FAXC: variants seen among roughly 807,000 people sequenced by gnomAD.
FAXC encodes the protein failed axon connections homolog, metaxin like GST domain containing.
In FAXC, 10 loss-of-function variants were observed where a neutral mutation model predicts 41.9. The ratio of observed to expected loss-of-function variants is 0.24; its 90% CI spans 0.15 to 0.41. The LOEUF (loss-of-function observed/expected upper bound fraction) is 0.41, where lower values mean the gene tolerates loss of function less well. Ranked by LOEUF, FAXC falls within the 10% of genes least tolerant of loss-of-function variation. FAXC has a pLI of 1.00. For synonymous variants in FAXC, 183 were observed against 183.8 expected, an observed-to-expected ratio of 1.00 and a Z score of 0.03; for missense variants, 399 against 510.9, an observed-to-expected ratio of 0.78 and a Z score of 2.11.
At chr6:99,335,501 G>T (rs1414694559) in intron 2 of FAXC, among the ~76,000 whole-genome samples, 1 of 152,058 alleles carries the variant, frequency 6.6e-6, no homozygotes, top group Non-Finnish European at 1.5e-5. Flanking sequence ...CAACTTCTTT[G>T]TTCTTCCTTT....
At chr6:99,302,906 A>G (rs1771769593) in intron 4 of FAXC, among the ~76,000 whole-genome samples, 2 of 152,196 alleles carry the variant, frequency 1.3e-5, no homozygotes, top group African/African-American at 4.8e-5. Flanking sequence ...GGTAAAGCAA[A>G]TATAACAACA....
chr6:99,325,163 A>C (rs1772749960), intron 3 of FAXC, among the ~76,000 whole-genome samples: 1 of 152,126 alleles, frequency 6.6e-6, no homozygotes, highest in Non-Finnish European at 1.5e-5. Flanking sequence ...AAGGAATGAC[A>C]GTAAATCACA....
intron 3 of FAXC, among the ~76,000 whole-genome samples, chr6:99,324,263 G>T (rs1352348423): frequency 1.3e-5 from 2 of 151,766 alleles, no homozygotes; most frequent in Non-Finnish European, 2.9e-5. Flanking sequence ...ACAGGGTCTT[G>T]CTATGTTGCC....
At position 99,349,295 on chromosome 6, in the gene FAXC, G is replaced by GA. The variant is rs1773707626; in HGVS notation, c.77dup (p.Gly27ArgfsTer63). 5 of 1,613,282 alleles carry GA rather than the reference G, an allele frequency of 3.1e-6. No homozygotes were observed. The highest frequency in any genetic ancestry group is 3.4e-6 in the Non-Finnish European group (4 of 1,179,980). ...GCTCCTCGGACCCGGCCCACCAGCC[G>GA]AAGAAGGAGATGCTCTGGTTCCAGC... On this transcript the variant is annotated frameshift_variant, in exon 1 of 6. Transcript: ENST00000389677. LOFTEE classifies it high-confidence loss of function.
intron 5 of FAXC, among the ~76,000 whole-genome samples, chr6:99,289,721 A>G (rs200925412): frequency 3.2e-3 from 470 of 147,862 alleles, no homozygotes; most frequent in African/African-American, 9.2e-3. Flanking sequence ...GTGTGTGTGT[A>G]TATATATATA....
intron 4 of FAXC, among the ~76,000 whole-genome samples, chr6:99,315,106 C>T (rs1266305954): frequency 6.6e-6 from 1 of 151,636 alleles, no homozygotes; most frequent in Non-Finnish European, 1.5e-5. Flanking sequence ...TGGTGCCGCA[C>T]ACCTGTAATT....
At chr6:99,286,518 A>C (rs1771034936) in intron 5 of FAXC, among the ~76,000 whole-genome samples, 1 of 152,234 alleles carries the variant, frequency 6.6e-6, no homozygotes, top group South Asian at 2.1e-4. Context: ...CAATAAAATA[A>C]ATAATTGCTG....
At chr6:99,301,133 G>T (rs1771689084) in intron 4 of FAXC, among the ~76,000 whole-genome samples, 1 of 152,244 alleles carries the variant, frequency 6.6e-6, no homozygotes, top group South Asian at 2.1e-4. Flanking sequence ...TGCCCAGAGT[G>T]GTGAGCCTTG....
At chr6:99,302,685 T>G (rs1408686214) in intron 4 of FAXC, among the ~76,000 whole-genome samples, 3 of 151,692 alleles carry the variant, frequency 2.0e-5, no homozygotes, top group Admixed American at 6.6e-5. Context: ...AATAAAAGCA[T>G]ATCACTAGGT....
intron 2 of FAXC, among the ~76,000 whole-genome samples, chr6:99,335,557 T>C (rs1041885917): frequency 1.3e-4 from 20 of 152,214 alleles, no homozygotes; most frequent in African/African-American, 4.8e-4. Context: ...AAATCGGGCA[T>C]CAGTTTAAGA....
intron 4 of FAXC, among the ~76,000 whole-genome samples, chr6:99,305,978 A>T (rs1012953195): frequency 6.6e-6 from 1 of 152,106 alleles, no homozygotes; most frequent in African/African-American, 2.4e-5. Flanking sequence ...TCAATCAATT[A>T]AAAAAAGCAG....
chr6:99,333,655 T>A, intron 2 of FAXC, 108 bp from the exon 3 acceptor site: 1 of 939,286 alleles, frequency 1.1e-6, no homozygotes, highest in Non-Finnish European at 1.6e-6. Flanking sequence ...GTGACAGTAC[T>A]ACTCAAGTGA....
chr6:99,332,305 C>T (rs887022054), intron 3 of FAXC, among the ~76,000 whole-genome samples: 10 of 152,134 alleles, frequency 6.6e-5, no homozygotes, highest in African/African-American at 2.2e-4. Flanking sequence ...TATCACTCAG[C>T]GGGAGAGGTT....
chr6:99,326,948 C>T (rs966279362), intron 3 of FAXC, among the ~76,000 whole-genome samples: 11 of 152,172 alleles, frequency 7.2e-5, no homozygotes, highest in Admixed American at 2.0e-4. Context: ...GGCCACACAA[C>T]TTGGCAGGGA....
chr6:99,277,577 CT>C lies in FAXC; in HGVS notation c.*3586del, dbSNP rs1016658359. ...CTTCAGAGTCTAGCAATACCCTGCA[CT>C]GATGAGAGGTCTCTTGTATTGGTCT... On this transcript the variant is annotated 3_prime_UTR_variant, in exon 6 of 6. Coordinates refer to ENST00000389677, the MANE Select transcript of FAXC (RefSeq NM_032511.4). The C allele has an allele frequency of 2.0e-5, 3 of 152,204 alleles. No homozygotes were observed. Among genetic ancestry groups the C allele is most frequent in the African/African-American group, 7.2e-5 (3 of 41,432 alleles). 9.4% of individuals were successfully genotyped at this position (152,204 alleles called of 1,614,324 possible).
chr6:99,308,358 T>G (rs749061231), intron 4 of FAXC, among the ~76,000 whole-genome samples: 1 of 152,222 alleles, frequency 6.6e-6, no homozygotes, highest in Non-Finnish European at 1.5e-5. Context: ...CAGTTTACAA[T>G]GAATAAAGTG....
At position 99,281,419 on chromosome 6, in the gene FAXC, C is replaced by T. The variant is rs371537277; in HGVS notation, c.975G>A (p.Arg325=). 3.3e-4 allele frequency: 526 copies of T among 1,614,126 alleles called. 6 individuals carry two copies. In the South Asian group the frequency reaches 4.8e-3, roughly 15 times the overall value. Residue 325 remains arginine, a synonymous_variant, in exon 6 of 6, where the codon AGG becomes AGA. Coordinates refer to ENST00000389677, the MANE Select transcript of FAXC (RefSeq NM_032511.4). The part of the protein sequence containing the change: ...ELINLAMYCE[R]IRRKFWPEWH... ...ACTCTGGCCAAAATTTCCTCCTTAT[C>T]CTCTCACAGTACATGGCAAGGTTGA...
intron 2 of FAXC, among the ~76,000 whole-genome samples, chr6:99,337,479 C>A (rs1005763315): frequency 2.4e-4 from 36 of 152,086 alleles, no homozygotes; most frequent in African/African-American, 8.2e-4. Flanking sequence ...GAAGAAAAGC[C>A]AAAAATATCA....
chr6:99,333,370 C>T lies in FAXC; in HGVS notation c.580G>A (p.Val194Met). ...ACTCACCAGTAGAAGTGCTCCTCCA[C>T]CATCTTGGTCACCGCTCTGGAGATG... ...RAISRAVTKM[V>M]EEHFYWTLAY... The change falls in exon 3 of 6, where the codon GTG (valine) becomes ATG (methionine). Residue 194 changes from valine (V) to methionine (M), a missense_variant. By Grantham distance (21) the Val-to-Met change is conservative. Coordinates refer to ENST00000389677, the MANE Select transcript of FAXC (RefSeq NM_032511.4). 2 of 1,612,614 alleles carry T rather than the reference C, an allele frequency of 1.2e-6. No homozygotes were observed. The highest frequency in any genetic ancestry group is 1.7e-6 in the Non-Finnish European group (2 of 1,179,512).
Sources: allele counts gnomAD v4.1 joint callset (sites outside exome capture counted in the v4.1 genomes callset), GRCh38; gene constraint gnomAD v4.1.1; transcripts MANE v1.5; gene names NCBI Gene and HGNC (gene_info 2026-07-23, HGNC 2026-07-21).